Variants in ANKFY1 observed in about 807,000 individuals in gnomAD.
The protein encoded by ANKFY1 is ankyrin repeat and FYVE domain-containing protein 1.
In ANKFY1, 47 loss-of-function variants were observed where a neutral mutation model predicts 128.3. That is an observed-to-expected ratio of 0.37 (90% CI 0.29 to 0.47). The LOEUF (loss-of-function observed/expected upper bound fraction) is 0.47. Ranked by LOEUF, ANKFY1 falls within the 20% of genes least tolerant of loss-of-function variation. The probability of loss-of-function intolerance (pLI) is 1.00; values close to 1 mark genes in which losing one functional copy is unlikely to be tolerated. For synonymous variants in ANKFY1, 553 were observed against 601.6 expected, an observed-to-expected ratio of 0.92 and a Z score of 1.18; for missense variants, 1,222 against 1,510.6, an observed-to-expected ratio of 0.81 and a Z score of 3.17.
At chr17:4,249,698 T>C (rs1435135151) in intron 1 of ANKFY1, among the ~76,000 whole-genome samples, 1 of 152,242 alleles carries the variant, frequency 6.6e-6, no homozygotes, top group Non-Finnish European at 1.5e-5. Context: ...CTTCAAGATA[T>C]GCCTGTCTCC....
intron 11 of ANKFY1, chr17:4,187,012 G>GT (rs2059624261): frequency 8.2e-7 from 1 of 1,221,506 alleles, no homozygotes. Context: ...TTTTAAATTC[G>GT]TATTTCAGTG....
At chr17:4,201,488 T>A (rs1184829169) in intron 7 of ANKFY1, among the ~76,000 whole-genome samples, 1 of 9,870 alleles carries the variant, frequency 1.0e-4, no homozygotes, top group Non-Finnish European at 0.026. Context: ...GATTTTTTTT[T>A]TTTTTTTTTT....
chr17:4,175,962 G>A (rs1490339424), intron 19 of ANKFY1, among the ~76,000 whole-genome samples: 3 of 152,180 alleles, frequency 2.0e-5, no homozygotes, highest in Non-Finnish European at 4.4e-5. Context: ...TCCTTGGTCA[G>A]GGACCGTAAC....
At chr17:4,231,935 TAAA>T (rs773041555) in intron 3 of ANKFY1, among the ~76,000 whole-genome samples, 2 of 125,266 alleles carry the variant, frequency 1.6e-5, no homozygotes, top group African/African-American at 3.0e-5. Context: ...AAATCCTGTT[TAAA>T]AAAAAAAAAA....
chr17:4,258,676 A>G (rs551515403), intron 1 of ANKFY1, among the ~76,000 whole-genome samples: 1 of 152,220 alleles, frequency 6.6e-6, no homozygotes, highest in East Asian at 1.9e-4. Flanking sequence ...CATTAGGGGG[A>G]GCTACTAGCC....
chr17:4,206,631 T>C (rs767795785), intron 6 of ANKFY1, 145 bp from the exon 7 acceptor site: 1 of 704,556 alleles, frequency 1.4e-6, no homozygotes, highest in Non-Finnish European at 2.3e-6. Context: ...CAAATTCAAC[T>C]TTATTCACAA....
In ANKFY1 at chr17:4,166,567, C is replaced by G. The variant is rs1210859404; in HGVS notation, c.*1212G>C. 1 of 152,542 alleles carries G rather than the reference C, an allele frequency of 6.6e-6. No homozygotes were observed. 9.4% of individuals were successfully genotyped at this position (152,542 alleles called of 1,614,324 possible). A position where few individuals can be genotyped will look rare whatever the true frequency, so the allele number is the denominator to read the frequency against. On this transcript the variant is annotated 3_prime_UTR_variant, in exon 25 of 25. Transcript: ENST00000341657. ...TGAACGCCCAACAAGTTCTGGCAGC[C>G]TCATCCAGCACACAAGCCAGAGACT...
chr17:4,251,004 A>G (rs543326730), intron 1 of ANKFY1, among the ~76,000 whole-genome samples: 3 of 152,330 alleles, frequency 2.0e-5, no homozygotes, highest in Admixed American at 2.0e-4. Flanking sequence ...GGGGAAAGAA[A>G]AAGGTTTAGC....
intron 24 of ANKFY1, chr17:4,168,118 G>C: frequency 2.4e-5 from 10 of 424,998 alleles, no homozygotes; most frequent in East Asian, 4.1e-5. Flanking sequence ...TCAAGTTAAA[G>C]CAATACTGAA....
At chr17:4,230,917 AG>A (rs1434665746) in intron 3 of ANKFY1, among the ~76,000 whole-genome samples, 3 of 152,224 alleles carry the variant, frequency 2.0e-5, no homozygotes, top group Non-Finnish European at 4.4e-5. Flanking sequence ...GATCAAAATT[AG>A]GTAACTACGT....
At position 4,172,536 on chromosome 17, in the gene ANKFY1, A is replaced by G; in HGVS notation, c.3139+20T>C. On this transcript the variant is annotated intron_variant, in intron 22 of 24. Transcript: ENST00000341657. Reference sequence around the variant, plus strand: ...AAGGTGCGCAAGTGAGACGGGACATACCCAGCCCTTGGTACACACCCGTGC... The same window carrying G: ...AAGGTGCGCAAGTGAGACGGGACATGCCCAGCCCTTGGTACACACCCGTGC... 2 of 1,610,182 alleles carry G rather than the reference A, an allele frequency of 1.2e-6. No individual in the cohort carries two copies. The highest frequency in any genetic ancestry group is 1.7e-6 in the Non-Finnish European group (2 of 1,178,276).
At chr17:4,192,209 G>A (rs2059729777) in intron 10 of ANKFY1, among the ~76,000 whole-genome samples, 1 of 149,208 alleles carries the variant, frequency 6.7e-6, no homozygotes, top group Non-Finnish European at 1.5e-5. Flanking sequence ...CTAGTTGATG[G>A]TTGCTCTAAT....
At chr17:4,221,514 CTTTG>C (rs1244013878) in intron 3 of ANKFY1, among the ~76,000 whole-genome samples, 1 of 152,004 alleles carries the variant, frequency 6.6e-6, no homozygotes, top group African/African-American at 2.4e-5. Context: ...ACCTGGCTGA[CTTTG>C]TTTTTTAAAT....
chr17:4,199,128 C>G (rs2059881608), intron 7 of ANKFY1, among the ~76,000 whole-genome samples: 1 of 152,242 alleles, frequency 6.6e-6, no homozygotes, highest in Non-Finnish European at 1.5e-5. Flanking sequence ...CCACTGCACT[C>G]TAGCCTGGGT....
At chr17:4,215,813 C>G (rs1162695954) in intron 4 of ANKFY1, among the ~76,000 whole-genome samples, 3 of 152,162 alleles carry the variant, frequency 2.0e-5, no homozygotes, top group Non-Finnish European at 4.4e-5. Flanking sequence ...CTGACAAGGT[C>G]AACAGGAGAA....
intron 1 of ANKFY1, among the ~76,000 whole-genome samples, chr17:4,253,520 C>T (rs1967954194): frequency 6.6e-6 from 1 of 152,130 alleles, no homozygotes; most frequent in East Asian, 1.9e-4. Flanking sequence ...CTGATCACAC[C>T]AACATTTCCT....
At position 4,164,734 on chromosome 17, in the gene ANKFY1, G is replaced by A. The variant is rs919268696; in HGVS notation, c.*3045C>T. ...CCGTGGAGAAGATTAGTGCAGAAAC[G>A]GTTCAATATGGCAGGTGTGGGACAT... On this transcript the variant is annotated 3_prime_UTR_variant, in exon 25 of 25. Coordinates refer to ENST00000341657, the MANE Select transcript of ANKFY1 (RefSeq NM_001330063.2). 4 of 152,366 alleles carry A rather than the reference G, an allele frequency of 2.6e-5. No homozygotes were observed. Among genetic ancestry groups the A allele is most frequent in the African/African-American group, 2.4e-5 (1 of 41,432 alleles). The allele number at this position is 152,366 out of a possible 1,614,324, so 9.4% of individuals were successfully genotyped here.
intron 7 of ANKFY1, among the ~76,000 whole-genome samples, chr17:4,201,300 G>A (rs2059923409): frequency 6.6e-6 from 1 of 152,178 alleles, no homozygotes; most frequent in African/African-American, 2.4e-5. Flanking sequence ...CCAAAGTGCT[G>A]GTATGACAGG....
chr17:4,231,832 G>A (rs1341944836), intron 3 of ANKFY1, among the ~76,000 whole-genome samples: 2 of 151,876 alleles, frequency 1.3e-5, no homozygotes, highest in East Asian at 3.9e-4. Context: ...AGATACTCAG[G>A]AGGCTGAGGT....
Sources: gnomAD v4.1 joint callset for allele counts (sites outside exome capture counted in the v4.1 genomes callset) on GRCh38, gnomAD v4.1.1 for gene constraint, MANE v1.5 for transcripts, NCBI Gene and HGNC (gene_info 2026-07-23, HGNC 2026-07-21) for gene names.